The following SKAP2 variants were observed in gnomAD, a reference collection of about 807,000 sequenced individuals.
SKAP2 encodes the protein src kinase-associated phosphoprotein 2.
SKAP2 carries 28 observed loss-of-function variants against 54.9 expected under a neutral mutation model. The ratio of observed to expected loss-of-function variants is 0.51; its 90% CI spans 0.38 to 0.70. SKAP2 has a LOEUF of 0.70. Ranked by LOEUF, SKAP2 falls within the 30% of genes least tolerant of loss-of-function variation. SKAP2 has a pLI of 0.00. For synonymous variants in SKAP2, 137 were observed against 134.3 expected (o/e 1.02, Z -0.14); for missense variants, 356 against 424.1 (o/e 0.84, Z 1.41).
chr7:26,848,544 T>C (rs1784974649), intron 3 of SKAP2, among the ~76,000 whole-genome samples: 1 of 152,132 alleles, frequency 6.6e-6, no homozygotes. Flanking sequence ...TATGCAAATG[T>C]CCCAAAATCC....
chr7:26,811,184 GAAAAAAAAGA>G (rs757506642), intron 4 of SKAP2, among the ~76,000 whole-genome samples: 7 of 151,702 alleles, frequency 4.6e-5, no homozygotes, highest in Non-Finnish European at 1.0e-4. Flanking sequence ...AGGCTTTGGA[GAAAAAAAAGA>G]CCTAAATTTC....
chr7:26,842,859 AAGAT>A (rs1784846128), intron 4 of SKAP2, among the ~76,000 whole-genome samples: 1 of 151,592 alleles, frequency 6.6e-6, no homozygotes, highest in Non-Finnish European at 1.5e-5. Flanking sequence ...ATCTCTTTAA[AAGAT>A]AGAAAGTGAA....
chr7:26,728,292 GAA>G (rs1195901534), intron 6 of SKAP2, among the ~76,000 whole-genome samples: 1 of 152,112 alleles, frequency 6.6e-6, no homozygotes, highest in Non-Finnish European at 1.5e-5. Flanking sequence ...ATCAATTTGG[GAA>G]ACGTTTTGCC....
chr7:26,703,208 A>G lies in SKAP2; in HGVS notation c.797-12846T>C, dbSNP rs561960369. Among the ~76,000 whole-genome samples, 28 of 152,312 alleles carry G rather than the reference A, an allele frequency of 1.8e-4. No individual in the cohort carries two copies. In the South Asian group the frequency reaches 5.6e-3, roughly 30 times the overall value. On this transcript the variant is annotated intron_variant, in intron 9 of 12. Transcript: ENST00000345317. ...TTGTCTTGGGCCACACATAAGATAAACTAACACTAACAATACCTGATGAGC... is the reference window on the plus strand; with the variant it reads ...TTGTCTTGGGCCACACATAAGATAAGCTAACACTAACAATACCTGATGAGC...
chr7:26,722,986 C>T (rs1051562079), intron 9 of SKAP2, among the ~76,000 whole-genome samples: 1 of 152,036 alleles, frequency 6.6e-6, no homozygotes, highest in African/African-American at 2.4e-5. Flanking sequence ...GGGAATTTAG[C>T]CAGTCAGATA....
chr7:26,832,824 T>A (rs966177599), intron 4 of SKAP2, among the ~76,000 whole-genome samples: 3 of 151,870 alleles, frequency 2.0e-5, no homozygotes, highest in Non-Finnish European at 4.4e-5. Flanking sequence ...TAAGTGCTAG[T>A]TTTCACAAAG....
At chr7:26,709,251 C>T (rs1480117944) in intron 9 of SKAP2, among the ~76,000 whole-genome samples, 1 of 152,052 alleles carries the variant, frequency 6.6e-6, no homozygotes, top group Non-Finnish European at 1.5e-5. Context: ...AGGCTGCTAA[C>T]AGAAGTGAAA....
At chr7:26,850,728 G>C (rs151273862) in intron 3 of SKAP2, among the ~76,000 whole-genome samples, 6 of 152,246 alleles carry the variant, frequency 3.9e-5, no homozygotes, top group African/African-American at 1.4e-4. Flanking sequence ...ACAAGGACTA[G>C]ACTAAGCAAG....
At chr7:26,735,631 C>G (rs1787913579) in intron 6 of SKAP2, among the ~76,000 whole-genome samples, 1 of 152,152 alleles carries the variant, frequency 6.6e-6, no homozygotes, top group Non-Finnish European at 1.5e-5. Context: ...TTCTGTGCCT[C>G]TATAATCCAT....
chr7:26,798,985 A>G (rs916270431), intron 4 of SKAP2, among the ~76,000 whole-genome samples: 3 of 151,428 alleles, frequency 2.0e-5, no homozygotes, highest in Non-Finnish European at 4.4e-5. Flanking sequence ...CTAGAGGAAG[A>G]CAAGAAAGGA....
intron 4 of SKAP2, among the ~76,000 whole-genome samples, chr7:26,781,314 C>A (rs1783421826): frequency 6.6e-6 from 1 of 151,882 alleles, no homozygotes; most frequent in Non-Finnish European, 1.5e-5. Context: ...TTCCCTATTT[C>A]CTTCATTTAA....
At position 26,728,218 on chromosome 7, in the gene SKAP2, C is replaced by T. The variant is rs946245183; in HGVS notation, c.470-1212G>A. Among the ~76,000 whole-genome samples, 8 of 152,100 alleles carry T rather than the reference C, an allele frequency of 5.3e-5. No homozygotes were observed. The East Asian group carries it at 9.7e-4, about 18-fold the overall frequency. On this transcript the variant is annotated intron_variant, in intron 6 of 12. Coordinates refer to ENST00000345317, the MANE Select transcript of SKAP2 (RefSeq NM_003930.5). Reference sequence around the variant, plus strand: ...ATAAACTCTATGTTTTTCACAAAAACGATACAGTACTTTAAAGATTAGAGA... The same window carrying T: ...ATAAACTCTATGTTTTTCACAAAAATGATACAGTACTTTAAAGATTAGAGA...
intron 4 of SKAP2, among the ~76,000 whole-genome samples, chr7:26,787,879 C>G (rs182296482): frequency 6.6e-6 from 1 of 151,868 alleles, no homozygotes; most frequent in Non-Finnish European, 1.5e-5. Context: ...TCTTTTTAAC[C>G]GAGTCTCGCT....
chr7:26,796,020 T>C (rs1424060088), intron 4 of SKAP2, among the ~76,000 whole-genome samples: 1 of 152,084 alleles, frequency 6.6e-6, no homozygotes, highest in Non-Finnish European at 1.5e-5. Context: ...CCTAGAAATA[T>C]GGAAACAAGA....
At chr7:26,682,361 C>G (rs1786521782) in intron 11 of SKAP2, among the ~76,000 whole-genome samples, 1 of 152,138 alleles carries the variant, frequency 6.6e-6, no homozygotes, top group African/African-American at 2.4e-5. Flanking sequence ...AACCTGTCTA[C>G]TCGCAGCCAA....
intron 4 of SKAP2, among the ~76,000 whole-genome samples, chr7:26,773,627 C>T (rs1399068513): frequency 1.3e-5 from 2 of 152,114 alleles, no homozygotes; most frequent in African/African-American, 2.4e-5. Context: ...TATTTTCACA[C>T]GGTCTCCATC....
chr7:26,792,147 C>G (rs1416171727), intron 4 of SKAP2, among the ~76,000 whole-genome samples: 1 of 152,164 alleles, frequency 6.6e-6, no homozygotes, highest in Non-Finnish European at 1.5e-5. Flanking sequence ...GGCAAAACTA[C>G]AGGAGCAGAA....
At chr7:26,801,600 G>A (rs1783916955) in intron 4 of SKAP2, among the ~76,000 whole-genome samples, 1 of 152,004 alleles carries the variant, frequency 6.6e-6, no homozygotes, top group Non-Finnish European at 1.5e-5. Context: ...TCTTATATTT[G>A]GAAAAACCTA....
At chr7:26,806,508 G>C (rs1256331723) in intron 4 of SKAP2, among the ~76,000 whole-genome samples, 1 of 152,198 alleles carries the variant, frequency 6.6e-6, no homozygotes, top group Non-Finnish European at 1.5e-5. Context: ...CTGGGAATTT[G>C]AGGCTGCAAA....
Sources: allele counts gnomAD v4.1 joint callset (sites outside exome capture counted in the v4.1 genomes callset), GRCh38; gene constraint gnomAD v4.1.1; transcripts MANE v1.5; gene names NCBI Gene and HGNC (gene_info 2026-07-23, HGNC 2026-07-21).